NRXN3: variants seen among roughly 807,000 people sequenced by gnomAD.
NRXN3 encodes neurexin III.
In NRXN3, 32 loss-of-function variants were observed where a neutral mutation model predicts 137.6. The ratio of observed to expected loss-of-function variants is 0.23; its 90% CI spans 0.18 to 0.31. The LOEUF (loss-of-function observed/expected upper bound fraction) is 0.31, where lower values mean the gene tolerates loss of function less well. Ranked by LOEUF, NRXN3 falls within the 10% of genes least tolerant of loss-of-function variation. NRXN3 has a pLI of 1.00. For missense variants in NRXN3, 1,574 were observed against 2,062.5 expected, an observed-to-expected ratio of 0.76 and a Z score of 4.59; for synonymous variants, 798 against 784.5, an observed-to-expected ratio of 1.02 and a Z score of -0.29.
At position 79,333,091 on chromosome 14, in the gene NRXN3, A is replaced by G. The variant is rs2091915407; in HGVS notation, c.3263-134130A>G. Among the ~76,000 whole-genome samples, 3 of 152,130 alleles carry G rather than the reference A, an allele frequency of 2.0e-5. No homozygotes were observed. The South Asian group carries it at 6.2e-4, about 32-fold the overall frequency. Reference sequence around the variant, plus strand: ...ATACCATGCAGCGCTTTCATTCTAAAGGGGAGCAATTGAAAGCATTTCTTT... The same window carrying G: ...ATACCATGCAGCGCTTTCATTCTAAGGGGGAGCAATTGAAAGCATTTCTTT... On this transcript the variant is annotated intron_variant, in intron 15 of 20. Coordinates refer to ENST00000335750, the MANE Select transcript of NRXN3 (RefSeq NM_001330195.2).
chr14:78,263,982 A>G (rs143322657), intron 2 of NRXN3, among the ~76,000 whole-genome samples: 147 of 151,234 alleles, frequency 9.7e-4, no homozygotes, highest in South Asian at 6.9e-3. Context: ...GAAAAACCAA[A>G]TCTTCTTCCT....
intron 4 of NRXN3, among the ~76,000 whole-genome samples, chr14:78,471,905 G>T (rs2153730076): frequency 6.6e-6 from 1 of 152,294 alleles, no homozygotes; most frequent in Admixed American, 6.5e-5. Context: ...AAGCTGGGTG[G>T]ACTTGAACCA....
chr14:79,092,306 A>C (rs746820193), intron 15 of NRXN3, among the ~76,000 whole-genome samples: 1 of 152,192 alleles, frequency 6.6e-6, no homozygotes, highest in Non-Finnish European at 1.5e-5. Flanking sequence ...TTGTAATCAC[A>C]TGATTAATAC....
At chr14:79,280,666 T>C (rs1234999066) in intron 15 of NRXN3, 2 of 1,000,442 alleles carry the variant, frequency 2.0e-6, no homozygotes, top group Non-Finnish European at 3.0e-6. Context: ...AAAAGCATCG[T>C]ATGTCCATGA....
intron 19 of NRXN3, among the ~76,000 whole-genome samples, chr14:79,738,527 T>C (rs561918792): frequency 2.3e-4 from 35 of 152,306 alleles, no homozygotes; most frequent in Middle Eastern, 3.4e-3. Context: ...ATTTCTGGCC[T>C]CCAGAACTAT....
At chr14:78,442,577 G>A (rs912174497) in intron 4 of NRXN3, among the ~76,000 whole-genome samples, 1 of 152,302 alleles carries the variant, frequency 6.6e-6, no homozygotes, top group East Asian at 1.9e-4. Context: ...GAAAGAAAGG[G>A]TTCTCCTTCT....
intron 10 of NRXN3, among the ~76,000 whole-genome samples, chr14:78,939,956 C>T (rs931688890): frequency 6.6e-5 from 10 of 152,138 alleles, no homozygotes; most frequent in Non-Finnish European, 7.4e-5. Flanking sequence ...ATGACAAAAT[C>T]GAATAATCTT....
At chr14:79,256,101 T>A (rs2076532848) in intron 15 of NRXN3, among the ~76,000 whole-genome samples, 2 of 152,038 alleles carry the variant, frequency 1.3e-5, no homozygotes, top group Admixed American at 1.3e-4. Flanking sequence ...CTCCTCTCTC[T>A]CTCTGTCTCT....
intron 4 of NRXN3, among the ~76,000 whole-genome samples, chr14:78,505,608 C>T (rs956918755): frequency 3.3e-5 from 5 of 152,200 alleles, no homozygotes; most frequent in Middle Eastern, 3.4e-3. Flanking sequence ...TTAATCATTT[C>T]GCATTGTATA....
intron 15 of NRXN3, among the ~76,000 whole-genome samples, chr14:79,380,175 ATATTTATT>A (rs1440963114): frequency 3.9e-5 from 5 of 127,790 alleles, no homozygotes; most frequent in Non-Finnish European, 8.3e-5. Flanking sequence ...TTTGGTAGAT[ATATTTATT>A]TATTTATTTA....
chr14:79,498,302 C>T (rs1049268588), intron 16 of NRXN3, among the ~76,000 whole-genome samples: 2 of 152,062 alleles, frequency 1.3e-5, no homozygotes, highest in African/African-American at 2.4e-5. Flanking sequence ...ATGGTAGATG[C>T]TATTATCGAG....
At chr14:79,815,637 A>G (rs1277129016) in intron 20 of NRXN3, among the ~76,000 whole-genome samples, 1 of 152,182 alleles carries the variant, frequency 6.6e-6, no homozygotes, top group Non-Finnish European at 1.5e-5. Context: ...ATTATGAGCC[A>G]GGTAAAGCTG....
At chr14:78,790,719 A>T (rs2098802796) in intron 8 of NRXN3, among the ~76,000 whole-genome samples, 1 of 152,120 alleles carries the variant, frequency 6.6e-6, no homozygotes, top group South Asian at 2.1e-4. Context: ...AGGGTGAGGG[A>T]TGTGATAATT....
At chr14:78,601,606 C>T (rs1036160881) in intron 4 of NRXN3, among the ~76,000 whole-genome samples, 4 of 152,038 alleles carry the variant, frequency 2.6e-5, no homozygotes, top group African/African-American at 9.7e-5. Flanking sequence ...GTACCCGCCA[C>T]CACGCCCGGC....
At chr14:79,407,508 A>G (rs2095337955) in intron 15 of NRXN3, among the ~76,000 whole-genome samples, 1 of 152,182 alleles carries the variant, frequency 6.6e-6, no homozygotes, top group Admixed American at 6.6e-5. Context: ...TTTAAATGAC[A>G]GAACTCTCAA....
chr14:78,706,720 A>G (rs2098354813), intron 6 of NRXN3, among the ~76,000 whole-genome samples: 1 of 152,192 alleles, frequency 6.6e-6, no homozygotes, highest in African/African-American at 2.4e-5. Flanking sequence ...GGTGCTTAAT[A>G]AGTGTTAGTA....
intron 10 of NRXN3, among the ~76,000 whole-genome samples, chr14:78,844,508 A>C (rs2099021171): frequency 6.6e-6 from 1 of 152,122 alleles, no homozygotes; most frequent in African/African-American, 2.4e-5. Flanking sequence ...CATCTCTCCA[A>C]AACTAGGGTT....
intron 15 of NRXN3, among the ~76,000 whole-genome samples, chr14:79,369,782 A>C (rs1277863397): frequency 6.6e-6 from 1 of 152,172 alleles, no homozygotes; most frequent in African/African-American, 2.4e-5. Context: ...TAGACGCTTG[A>C]GCCAGACAAA....
At chr14:79,575,915 G>C (rs2097660083) in intron 16 of NRXN3, among the ~76,000 whole-genome samples, 1 of 152,096 alleles carries the variant, frequency 6.6e-6, no homozygotes, top group East Asian at 1.9e-4. Context: ...TTATAAAATT[G>C]ATCAGTTGGC....
Sources: allele counts gnomAD v4.1 joint callset (sites outside exome capture counted in the v4.1 genomes callset), GRCh38; gene constraint gnomAD v4.1.1; transcripts MANE v1.5; gene names NCBI Gene and HGNC (gene_info 2026-07-23, HGNC 2026-07-21).